RPL15: variants seen among roughly 807,000 people sequenced by gnomAD.
RPL15 encodes the protein large ribosomal subunit protein eL15.
For missense variants in RPL15, 161 were observed against 271.8 expected, an observed-to-expected ratio of 0.59 and a Z score of 2.87; for synonymous variants, 97 against 95.1, an observed-to-expected ratio of 1.02 and a Z score of -0.12.
rs1241451870 is a variant in RPL15 at position 23,920,386 on chromosome 3, C to A, written c.*885C>A. The A allele has an allele frequency of 5.1e-6, 5 of 985,100 alleles. No homozygotes were observed. Among genetic ancestry groups the A allele is most frequent in the African/African-American group, 1.7e-5 (1 of 57,220 alleles). 61.0% of individuals were successfully genotyped at this position (985,100 alleles called of 1,614,324 possible). A position where few individuals can be genotyped will look rare whatever the true frequency, so the allele number is the denominator to read the frequency against. ...GAAAAAGTCACAAGCGCATGGTTTC[C>A]AACCATATGTGTTTTCTGCAGTTAT... On this transcript the variant is annotated 3_prime_UTR_variant, in exon 4 of 4. Coordinates refer to ENST00000307839, the MANE Select transcript of RPL15 (RefSeq NM_002948.5).
In RPL15 at chr3:23,919,444, C is replaced by A. The variant is rs3951706; in HGVS notation, c.558C>A (p.Gly186=). The change falls in exon 4 of 4, where the codon GGC becomes GGA. Residue 186 remains glycine, a synonymous_variant. Transcript: ENST00000307839. The part of the protein sequence containing the change: ...KGHKFHHTIG[G]SRRAAWRRRN... ...ACAAGTTCCACCACACTATTGGTGG[C>A]TCTCGCCGGGCAGCTTGGAGAAGGC... The A allele has an allele frequency of 1.2e-6, 2 of 1,604,638 alleles. No homozygotes were observed. Among genetic ancestry groups the A allele is most frequent in the Non-Finnish European group, 1.7e-6 (2 of 1,179,798 alleles).
chr3:23,921,671 T>C, downstream of RPL15: 1 of 663,466 alleles, frequency 1.5e-6, no homozygotes, highest in Non-Finnish European at 2.7e-6. Context: ...GTCTCCCGGG[T>C]TTGAGCAATT....
chr3:23,919,854 A>G lies in RPL15; in HGVS notation c.*353A>G. ...TGAAACCTGCAGCTTTATCGGAGTG[A>G]TGGCAATGCTCTGCTGGTTTATTTT... is the stretch of plus-strand genomic sequence containing the variant. On this transcript the variant is annotated 3_prime_UTR_variant, in exon 4 of 4. Transcript: ENST00000307839. The G allele has an allele frequency of 9.8e-7, 1 of 1,015,240 alleles. No homozygotes were observed. Among genetic ancestry groups the G allele is most frequent in the Non-Finnish European group, 1.2e-6 (1 of 849,576 alleles). 62.9% of individuals were successfully genotyped at this position (1,015,240 alleles called of 1,614,324 possible). A position where few individuals can be genotyped will look rare whatever the true frequency, so the allele number is the denominator to read the frequency against.
At chr3:23,917,802 T>G (rs1207232155) in intron 1 of RPL15, 48 bp from the exon 2 acceptor site, 1 of 1,526,512 alleles carries the variant, frequency 6.6e-7, no homozygotes, top group Non-Finnish European at 8.9e-7. Context: ...ACAGTCGTCT[T>G]ATTGTACTTA....
upstream of RPL15, chr3:23,916,932 C>T (rs889813881): frequency 6.5e-6 from 1 of 152,714 alleles, no homozygotes; most frequent in Non-Finnish European, 1.5e-5. Flanking sequence ...AACTCTCTCA[C>T]CTCTCGAGAC....
chr3:23,919,599 G>A lies in RPL15; in HGVS notation c.*98G>A. 2 of 1,424,732 alleles carry A rather than the reference G, an allele frequency of 1.4e-6. No homozygotes were observed. Among genetic ancestry groups the A allele is most frequent in the East Asian group, 5.0e-5 (2 of 39,856 alleles). 88.3% of individuals were successfully genotyped at this position (1,424,732 alleles called of 1,614,324 possible). A position where few individuals can be genotyped will look rare whatever the true frequency, so the allele number is the denominator to read the frequency against. On this transcript the variant is annotated 3_prime_UTR_variant, in exon 4 of 4. Coordinates refer to ENST00000307839, the MANE Select transcript of RPL15 (RefSeq NM_002948.5). ...TGTCTGTTAAAACTAGTCTGCAGAT[G>A]TTTCTTGAATGCTTTGTCAAATTAA...
rs986913355 is a variant in RPL15 at position 23,920,777 on chromosome 3, T to A, written c.*1276T>A. On this transcript the variant is annotated 3_prime_UTR_variant, in exon 4 of 4. Transcript: ENST00000307839. ...TTTCTTCACAAAAAAAGAAAAGATC[T>A]TAAGTCATACATTTTAATTGTGTAG... 4.1e-6 allele frequency: 4 copies of A among 966,734 alleles called. No individual in the cohort carries two copies. Among genetic ancestry groups the A allele is most frequent in the South Asian group, 4.8e-5 (1 of 20,930 alleles). 59.9% of individuals were successfully genotyped at this position (966,734 alleles called of 1,614,324 possible).
chr3:23,921,570 G>GTTGTTTT (rs1559513544), downstream of RPL15: 30 of 508,292 alleles, frequency 5.9e-5, 1 homozygote, highest in South Asian at 1.2e-4. Context: ...TGATTATTGA[G>GTTGTTTT]TTTTTTTTTT....
At position 23,920,845 on chromosome 3, in the gene RPL15, A is replaced by C; in HGVS notation, c.*1344A>C. ...GAATAAATGTCTATTAAACTAAAAC[A>C]AATGGACCTTCTGTTATTTTTTGTC... is the stretch of plus-strand genomic sequence containing the variant. On this transcript the variant is annotated 3_prime_UTR_variant, in exon 4 of 4. Transcript: ENST00000307839. 1 of 884,618 alleles carries C rather than the reference A, an allele frequency of 1.1e-6. No homozygotes were observed. The allele number at this position is 884,618 out of a possible 1,614,324, so 54.8% of individuals were successfully genotyped here. A position where few individuals can be genotyped will look rare whatever the true frequency, so the allele number is the denominator to read the frequency against.
At position 23,920,177 on chromosome 3, in the gene RPL15, T is replaced by A. The variant is rs1704993880; in HGVS notation, c.*676T>A. 1 of 985,810 alleles carries A rather than the reference T, an allele frequency of 1.0e-6. No homozygotes were observed. 61.1% of individuals were successfully genotyped at this position (985,810 alleles called of 1,614,324 possible). A position where few individuals can be genotyped will look rare whatever the true frequency, so the allele number is the denominator to read the frequency against. ...GGTGAGCCAGTGGCCATTAGATAAA[T>A]ACCTTTCAAGTGTGAGCTTAGACGT... On this transcript the variant is annotated 3_prime_UTR_variant, in exon 4 of 4. Coordinates refer to ENST00000307839, the MANE Select transcript of RPL15 (RefSeq NM_002948.5).
In RPL15 at chr3:23,919,473, A is replaced by G. The variant is rs1704947994; in HGVS notation, c.587A>G (p.Asn196Ser). ...CGCCGGGCAGCTTGGAGAAGGCGCA[A>G]TACTCTCCAGCTCCACCGTTACCGC... ...GSRRAAWRRR[N>S]TLQLHRYR The change falls in exon 4 of 4, where the codon AAT becomes AGT. Residue 196 changes from asparagine to serine, a missense_variant. Coordinates refer to ENST00000307839, the MANE Select transcript of RPL15 (RefSeq NM_002948.5). 9 of 1,596,918 alleles carry G rather than the reference A, an allele frequency of 5.6e-6. No individual in the cohort carries two copies. Among genetic ancestry groups the G allele is most frequent in the East Asian group, 4.5e-5 (2 of 44,790 alleles).
downstream of RPL15, chr3:23,921,120 G>A (rs1705053795): frequency 6.5e-6 from 1 of 154,696 alleles, no homozygotes; most frequent in East Asian, 1.9e-4. Flanking sequence ...GGGCAGCATA[G>A]TGAGACCTAA....
chr3:23,921,579 T>G (rs761888531), downstream of RPL15: 116 of 672,606 alleles, frequency 1.7e-4, no homozygotes, highest in South Asian at 6.9e-4. Flanking sequence ...AGTTTTTTTT[T>G]TTTTTTTTTT....
At chr3:23,916,894 C>G (rs548773801), upstream of RPL15, 18 of 152,898 alleles carry the variant, frequency 1.2e-4, no homozygotes, top group African/African-American at 4.1e-4. Flanking sequence ...GTCGCCGACG[C>G]TCGCTTAGCC....
At chr3:23,918,260 C>T (rs1263386834) in intron 2 of RPL15, 180 bp from the exon 3 acceptor site, 8 of 900,642 alleles carry the variant, frequency 8.9e-6, no homozygotes, top group South Asian at 5.4e-5. Flanking sequence ...AACAGTGTGC[C>T]TCCCTGTGTG....
chr3:23,921,691 C>T (rs576117403), downstream of RPL15: 3,933 of 659,722 alleles, frequency 6.0e-3, 61 homozygotes, highest in South Asian at 0.023. Flanking sequence ...TCTTCTGCCT[C>T]GGCCTCCCAA....
Position 23,920,318 on chromosome 3 carries a change from A to G in RPL15, c.*817A>G. On this transcript the variant is annotated 3_prime_UTR_variant, in exon 4 of 4. Transcript: ENST00000307839. ...TCATTCTTAGTCCAGTCAGTCTTAA[A>G]AACATCTTGGGTTACCCACTCTGTC... 1 of 985,404 alleles carries G rather than the reference A, an allele frequency of 1.0e-6. No homozygotes were observed. Among genetic ancestry groups the G allele is most frequent in the South Asian group, 4.7e-5 (1 of 21,290 alleles). The allele number at this position is 985,404 out of a possible 1,614,324, so 61.0% of individuals were successfully genotyped here.
In RPL15 at chr3:23,919,438, T is replaced by C. The variant is rs544066307; in HGVS notation, c.552T>C (p.Ile184=). Residue 184 remains isoleucine (I), a synonymous_variant, in exon 4 of 4, where the codon ATT becomes ATC. Transcript: ENST00000307839. ...AGGGCCACAAGTTCCACCACACTATTGGTGGCTCTCGCCGGGCAGCTTGGA... is the reference window on the plus strand; with the variant it reads ...AGGGCCACAAGTTCCACCACACTATCGGTGGCTCTCGCCGGGCAGCTTGGA... ...LGKGHKFHHT[I]GGSRRAAWRR... is the part of the protein sequence containing the mutation. 1.9e-6 allele frequency: 3 copies of C among 1,604,918 alleles called. No homozygotes were observed. In the South Asian group the frequency reaches 3.3e-5, roughly 18 times the overall value.
intron 2 of RPL15, 36 bp from the exon 3 acceptor site, chr3:23,918,404 T>G: frequency 6.2e-7 from 1 of 1,605,202 alleles, no homozygotes; most frequent in Non-Finnish European, 8.5e-7. Flanking sequence ...TACGGCTTCC[T>G]ATAAAATCAC....
Sources: allele counts gnomAD v4.1 joint callset, GRCh38; gene constraint gnomAD v4.1.1; transcripts MANE v1.5; gene names NCBI Gene and HGNC (gene_info 2026-07-23, HGNC 2026-07-21).